Variants in LMF1 observed in about 807,000 individuals in gnomAD.
LMF1 encodes lipase maturation factor 1.
Under a neutral mutation model 60.6 loss-of-function variants are expected in LMF1, and 68 were observed. The ratio of observed to expected loss-of-function variants is 1.12; its 90% CI spans 0.92 to 1.37. The LOEUF is 1.37. Ranked by LOEUF, LMF1 falls within the 40% of genes most tolerant of loss-of-function variation. The pLI is 0.00. For synonymous variants in LMF1, 418 were observed against 324.7 expected (o/e 1.29, Z -3.09); for missense variants, 948 against 767.2 (o/e 1.24, Z -2.78).
upstream of LMF1, chr16:970,995 C>T (rs1481746420): frequency 2.5e-5 from 37 of 1,466,760 alleles, no homozygotes; most frequent in Non-Finnish European, 3.0e-5. Context: ...GGGGAGGGCG[C>T]ACTCCCGGAG....
At chr16:930,897 G>C (rs1486567760) in intron 3 of LMF1, among the ~76,000 whole-genome samples, 1 of 152,170 alleles carries the variant, frequency 6.6e-6, no homozygotes, top group Non-Finnish European at 1.5e-5. Flanking sequence ...GAGGTGGGCG[G>C]GTTACCTGAG....
At chr16:870,600 A>G (rs900538523) in intron 8 of LMF1, 129 bp downstream of exon 8, 18 of 1,083,308 alleles carry the variant, frequency 1.7e-5, no homozygotes, top group Non-Finnish European at 2.4e-5. Context: ...TGCCTGGGTC[A>G]GGCTGGGGTG....
Position 970,903 on chromosome 16 carries a change from C to CTCCGGATCCGAGTACCCAGTCT in LMF1, c.56_77dup (p.Pro27AspfsTer9). The CTCCGGATCCGAGTACCCAGTCT allele has an allele frequency of 6.3e-7, 1 of 1,580,902 alleles. No individual in the cohort carries two copies. Among genetic ancestry groups the CTCCGGATCCGAGTACCCAGTCT allele is most frequent in the South Asian group, 1.2e-5 (1 of 86,298 alleles). ...GCCCCGGCGCGGGCGGCGACTCAGG[C>CTCCGGATCCGAGTACCCAGTCT]TCCGGATCCGAGTACCCAGTCTTCC... On this transcript the variant is annotated frameshift_variant, in exon 1 of 11. Coordinates refer to ENST00000262301, the MANE Select transcript of LMF1 (RefSeq NM_022773.4). LOFTEE classifies it high-confidence loss of function.
At chr16:930,911 A>T (rs1204066313) in intron 3 of LMF1, among the ~76,000 whole-genome samples, 1 of 152,234 alleles carries the variant, frequency 6.6e-6, no homozygotes, top group Non-Finnish European at 1.5e-5. Flanking sequence ...ACCTGAGGTC[A>T]GGAGTTGGAG....
intron 10 of LMF1, among the ~76,000 whole-genome samples, 163 bp downstream of exon 10, chr16:868,776 CGGGGG>C (rs746232858): frequency 2.0e-5 from 1 of 50,078 alleles, no homozygotes; most frequent in Non-Finnish European, 5.2e-5. Flanking sequence ...TGATGTGGGG[CGGGGG>C]GGGGGGGCCC....
chr16:855,957 T>G (rs914571772), intron 10 of LMF1: 1 of 455,528 alleles, frequency 2.2e-6, no homozygotes, highest in Non-Finnish European at 4.4e-6. Context: ...TGGGTCTGGG[T>G]GTGTGATGGA....
At chr16:950,243 C>T (rs2072408317) in intron 2 of LMF1, among the ~76,000 whole-genome samples, 1 of 101,552 alleles carries the variant, frequency 9.8e-6, no homozygotes, top group Non-Finnish European at 1.8e-5. Flanking sequence ...GAGACAATGA[C>T]AGAGTCAGCC....
chr16:879,292 C>T (rs559525588), intron 6 of LMF1, among the ~76,000 whole-genome samples: 4 of 152,290 alleles, frequency 2.6e-5, no homozygotes, highest in Non-Finnish European at 4.4e-5. Flanking sequence ...GTCCCACTGC[C>T]GAGCCCAGGA....
intron 10 of LMF1, among the ~76,000 whole-genome samples, chr16:856,879 G>A (rs915572129): frequency 4.6e-5 from 7 of 152,350 alleles, no homozygotes; most frequent in African/African-American, 1.7e-4. Context: ...CACAGCTATA[G>A]TAGGGATTGC....
At chr16:914,121 C>T (rs2071200741) in intron 3 of LMF1, among the ~76,000 whole-genome samples, 1 of 152,042 alleles carries the variant, frequency 6.6e-6, no homozygotes. Context: ...GATGCTGAGC[C>T]CTGGGGACAG....
chr16:879,116 G>A (rs1338706724), intron 6 of LMF1, among the ~76,000 whole-genome samples: 1 of 152,164 alleles, frequency 6.6e-6, no homozygotes, highest in African/African-American at 2.4e-5. Context: ...GCTGGGGGAG[G>A]CAGCCCCTCA....
intron 10 of LMF1, among the ~76,000 whole-genome samples, chr16:861,374 T>TTTG (rs1567140219): frequency 2.9e-5 from 4 of 139,802 alleles, no homozygotes; most frequent in African/African-American, 3.1e-5. Context: ...TTTTTTTTTT[T>TTTG]TGAGATGGAG....
At chr16:894,159 C>A (rs1299722263) in intron 4 of LMF1, among the ~76,000 whole-genome samples, 2 of 95,492 alleles carry the variant, frequency 2.1e-5, no homozygotes, top group Non-Finnish European at 2.2e-5. Flanking sequence ...ACCGGACCGT[C>A]CGCCCACCCG....
At chr16:972,399 C>T (rs1297348864), upstream of LMF1, among the ~76,000 whole-genome samples, 2 of 152,178 alleles carry the variant, frequency 1.3e-5, no homozygotes, top group East Asian at 1.9e-4. Context: ...CCTTGGGGAT[C>T]GCAGGAGGCA....
intron 1 of LMF1, among the ~76,000 whole-genome samples, chr16:978,338 CCATA>C (rs760925477): frequency 8.7e-5 from 12 of 137,838 alleles, no homozygotes; most frequent in African/African-American, 1.7e-4. Context: ...ACATTACATA[CCATA>C]CAAACACACA....
intron 4 of LMF1, 158 bp from the exon 5 acceptor site, chr16:893,230 G>A (rs923107701): frequency 4.2e-6 from 3 of 708,994 alleles, no homozygotes; most frequent in Non-Finnish European, 5.1e-6. Context: ...AAACACTCAG[G>A]AAGGCAGAAT....
chr16:910,496 T>C (rs908025460), intron 4 of LMF1, among the ~76,000 whole-genome samples: 1 of 152,180 alleles, frequency 6.6e-6, no homozygotes, highest in Admixed American at 6.5e-5. Flanking sequence ...GCGGGTCTCA[T>C]ACCTCCCTCA....
chr16:896,923 G>C (rs1253712292), intron 4 of LMF1, among the ~76,000 whole-genome samples: 4 of 151,838 alleles, frequency 2.6e-5, no homozygotes, highest in Non-Finnish European at 2.9e-5. Context: ...ATTTTCCACG[G>C]ATTTTTTTTT....
At chr16:979,313 C>T (rs2073269382) in intron 1 of LMF1, 2 of 356,002 alleles carry the variant, frequency 5.6e-6, no homozygotes, top group South Asian at 4.2e-5. Flanking sequence ...GCATGGGGAT[C>T]CTCACCCACA....
Sources: allele counts gnomAD v4.1 joint callset (sites outside exome capture counted in the v4.1 genomes callset), GRCh38; gene constraint gnomAD v4.1.1; transcripts MANE v1.5; gene names NCBI Gene and HGNC (gene_info 2026-07-23, HGNC 2026-07-21).